The following NEGR1 variants were observed in gnomAD, a reference collection of about 807,000 sequenced individuals.
The protein encoded by NEGR1 is neuronal growth regulator 1.
NEGR1 carries 10 observed loss-of-function variants against 40.9 expected under a neutral mutation model. That is an observed-to-expected ratio of 0.24 (90% confidence interval 0.15 to 0.42). NEGR1 has a LOEUF of 0.42. Among genes scored for constraint, NEGR1 ranks in the 10% least tolerant of loss-of-function variants. The pLI is 1.00. For missense variants in NEGR1, 352 were observed against 438.9 expected, an observed-to-expected ratio of 0.80 and a Z score of 1.77; for synonymous variants, 185 against 166.8, an observed-to-expected ratio of 1.11 and a Z score of -0.84.
At chr1:71,565,354 A>G (rs2101485687) in intron 6 of NEGR1, among the ~76,000 whole-genome samples, 1 of 152,328 alleles carries the variant, frequency 6.6e-6, no homozygotes, top group South Asian at 2.1e-4. Flanking sequence ...GTATGTATAC[A>G]CAATAGTTTA....
At chr1:71,829,897 C>T (rs1431923337) in intron 2 of NEGR1, among the ~76,000 whole-genome samples, 2 of 151,902 alleles carry the variant, frequency 1.3e-5, no homozygotes. Flanking sequence ...AACTACCTCC[C>T]CCAAGGTGTT....
chr1:71,898,983 TA>T (rs1346926616), intron 2 of NEGR1, among the ~76,000 whole-genome samples: 1 of 32,162 alleles, frequency 3.1e-5, no homozygotes, highest in African/African-American at 6.3e-5. Context: ...ATATATAGCA[TA>T]TATATATATA....
chr1:72,077,361 C>A (rs1410367074), intron 1 of NEGR1, among the ~76,000 whole-genome samples: 1 of 152,088 alleles, frequency 6.6e-6, no homozygotes, highest in East Asian at 1.9e-4. Flanking sequence ...GCAGCTAGAC[C>A]CAATGTTAAC....
intron 3 of NEGR1, among the ~76,000 whole-genome samples, chr1:71,707,661 T>C (rs1570240985): frequency 6.6e-6 from 1 of 152,052 alleles, no homozygotes; most frequent in African/African-American, 2.4e-5. Flanking sequence ...ACACAGGCGG[T>C]AGCCAGGGAG....
At chr1:71,533,494 CAT>C (rs1647419176) in intron 6 of NEGR1, among the ~76,000 whole-genome samples, 1 of 151,622 alleles carries the variant, frequency 6.6e-6, no homozygotes, top group African/African-American at 2.4e-5. Context: ...TATACACACA[CAT>C]GCACATATCC....
chr1:71,742,732 T>C (rs1484458657), intron 3 of NEGR1, among the ~76,000 whole-genome samples: 1 of 152,180 alleles, frequency 6.6e-6, no homozygotes, highest in Non-Finnish European at 1.5e-5. Context: ...ACTTAGATGA[T>C]ATTTAAATGA....
chr1:71,729,721 G>A (rs941890272), intron 3 of NEGR1, among the ~76,000 whole-genome samples: 3 of 151,976 alleles, frequency 2.0e-5, no homozygotes, highest in Admixed American at 6.6e-5. Flanking sequence ...TGAAAACTCC[G>A]ACTCTGGGGC....
intron 3 of NEGR1, among the ~76,000 whole-genome samples, chr1:71,709,854 A>T (rs973627335): frequency 1.3e-5 from 2 of 152,234 alleles, no homozygotes; most frequent in Admixed American, 1.3e-4. Context: ...AACCAAAGCG[A>T]ACATGGACAA....
intron 5 of NEGR1, 55 bp from the exon 6 acceptor site, chr1:71,593,023 T>A (rs1382098042): frequency 8.8e-6 from 12 of 1,357,006 alleles, no homozygotes; most frequent in Non-Finnish European, 1.3e-5. Flanking sequence ...CAGTTTCATT[T>A]TTTTATCTTA....
At chr1:71,594,344 C>G (rs1474621198) in intron 5 of NEGR1, among the ~76,000 whole-genome samples, 1 of 152,052 alleles carries the variant, frequency 6.6e-6, no homozygotes, top group Non-Finnish European at 1.5e-5. Context: ...TATGAAAATG[C>G]TAATAAATGG....
chr1:71,898,162 G>A (rs1056698025), intron 2 of NEGR1, among the ~76,000 whole-genome samples: 1 of 152,130 alleles, frequency 6.6e-6, no homozygotes, highest in African/African-American at 2.4e-5. Flanking sequence ...TGACATTACT[G>A]AAGTCAGTCT....
intron 6 of NEGR1, among the ~76,000 whole-genome samples, chr1:71,581,697 A>G (rs905203428): frequency 2.3e-4 from 10 of 44,408 alleles, no homozygotes; most frequent in African/African-American, 4.7e-4. Context: ...CATTATACAC[A>G]ATTTTTTTTT....
At chr1:71,477,896 T>A (rs357244) in intron 6 of NEGR1, among the ~76,000 whole-genome samples, 7,780 of 136,160 alleles carry the variant, frequency 0.057, 587 homozygotes, top group African/African-American at 0.17. Context: ...CTTGGATTTT[T>A]AAAAAAAAAA....
At chr1:71,547,914 C>T (rs1647955090) in intron 6 of NEGR1, among the ~76,000 whole-genome samples, 1 of 151,720 alleles carries the variant, frequency 6.6e-6, no homozygotes, top group Non-Finnish European at 1.5e-5. Flanking sequence ...GTGTGCTTCA[C>T]CCACTGCCCA....
intron 5 of NEGR1, among the ~76,000 whole-genome samples, chr1:71,605,470 G>A (rs1358668584): frequency 6.6e-6 from 1 of 152,144 alleles, no homozygotes; most frequent in African/African-American, 2.4e-5. Context: ...TCTTCACAAA[G>A]TAATACCAAT....
chr1:72,109,103 T>G (rs1243876921), intron 1 of NEGR1, among the ~76,000 whole-genome samples: 6 of 151,586 alleles, frequency 4.0e-5, no homozygotes, highest in African/African-American at 1.5e-4. Context: ...CTAAACAAAG[T>G]ATAAAATTAT....
intron 1 of NEGR1, among the ~76,000 whole-genome samples, chr1:72,277,907 A>G (rs1002945094): frequency 1.3e-5 from 2 of 152,116 alleles, no homozygotes; most frequent in African/African-American, 4.8e-5. Context: ...TTTTACTGCT[A>G]TTGGTAATTC....
At chr1:71,541,503 G>A (rs1394568744) in intron 6 of NEGR1, among the ~76,000 whole-genome samples, 1 of 151,714 alleles carries the variant, frequency 6.6e-6, no homozygotes, top group Non-Finnish European at 1.5e-5. Context: ...ATAGTAAGTC[G>A]ACCTGCTGAG....
intron 6 of NEGR1, among the ~76,000 whole-genome samples, chr1:71,434,207 C>T (rs1174984662): frequency 3.3e-5 from 5 of 152,000 alleles, no homozygotes; most frequent in Admixed American, 2.6e-4. Context: ...AAAATTATGT[C>T]ATGAATGCAT....
Sources: allele counts gnomAD v4.1 joint callset (sites outside exome capture counted in the v4.1 genomes callset), GRCh38; gene constraint gnomAD v4.1.1; transcripts MANE v1.5; gene names NCBI Gene and HGNC (gene_info 2026-07-23, HGNC 2026-07-21).